The following AHCYL2 variants were observed in gnomAD, a reference collection of about 807,000 sequenced individuals.
The protein encoded by AHCYL2 is S-adenosylhomocysteine hydrolase-like protein 2.
AHCYL2 carries 28 observed loss-of-function variants against 81.4 expected under a neutral mutation model. That is an observed-to-expected ratio of 0.34 (90% CI 0.25 to 0.47). AHCYL2 has a LOEUF of 0.47. Among genes scored for constraint, AHCYL2 ranks in the 20% least tolerant of loss-of-function variants. The pLI, the probability that AHCYL2 is intolerant of heterozygous loss-of-function variation, is 1.00. For missense variants in AHCYL2, 551 were observed against 785.1 expected, an observed-to-expected ratio of 0.70 and a Z score of 3.56; for synonymous variants, 272 against 290.2, an observed-to-expected ratio of 0.94 and a Z score of 0.64.
chr7:129,364,375 A>G (rs541390481), intron 1 of AHCYL2, among the ~76,000 whole-genome samples: 110 of 152,186 alleles, frequency 7.2e-4, no homozygotes, highest in African/African-American at 2.5e-3. Context: ...GCTCACTGCA[A>G]CCTCTTCCAA....
chr7:129,310,426 C>A (rs748725935), intron 1 of AHCYL2, among the ~76,000 whole-genome samples: 86 of 152,098 alleles, frequency 5.7e-4, no homozygotes, highest in Non-Finnish European at 1.0e-3. Context: ...TGAGAATGGA[C>A]CCCAATGGAC....
At chr7:129,385,324 A>G (rs966821880) in intron 2 of AHCYL2, among the ~76,000 whole-genome samples, 3 of 152,174 alleles carry the variant, frequency 2.0e-5, no homozygotes, top group Non-Finnish European at 4.4e-5. Context: ...GCCCAAGAGG[A>G]ATTGCCTGAC....
At chr7:129,377,063 A>G (rs769889021) in intron 1 of AHCYL2, among the ~76,000 whole-genome samples, 4 of 152,204 alleles carry the variant, frequency 2.6e-5, no homozygotes, top group African/African-American at 4.8e-5. Flanking sequence ...GCTACTTCAG[A>G]TATATTGATT....
At chr7:129,260,658 C>T (rs1294821522) in intron 1 of AHCYL2, among the ~76,000 whole-genome samples, 4 of 152,120 alleles carry the variant, frequency 2.6e-5, no homozygotes, top group Non-Finnish European at 5.9e-5. Flanking sequence ...AATTTTCTTC[C>T]TTGTTCAGGT....
intron 1 of AHCYL2, among the ~76,000 whole-genome samples, chr7:129,338,446 T>G (rs1793040930): frequency 6.6e-6 from 1 of 152,238 alleles, no homozygotes; most frequent in Admixed American, 6.5e-5. Context: ...TGACCTGCTG[T>G]GCCTGGCCTA....
intron 1 of AHCYL2, among the ~76,000 whole-genome samples, chr7:129,358,900 T>C (rs1026859108): frequency 6.6e-6 from 1 of 152,190 alleles, no homozygotes; most frequent in African/African-American, 2.4e-5. Context: ...TACTGAGATC[T>C]TGCTGGTAGG....
chr7:129,289,049 T>G (rs1394809193), intron 1 of AHCYL2, among the ~76,000 whole-genome samples: 1 of 152,162 alleles, frequency 6.6e-6, no homozygotes, highest in Admixed American at 6.5e-5. Context: ...TCCAAAGTGC[T>G]GGGATTACAG....
intron 2 of AHCYL2, among the ~76,000 whole-genome samples, chr7:129,384,387 T>TA (rs934354343): frequency 6.9e-6 from 1 of 145,818 alleles, no homozygotes; most frequent in African/African-American, 2.5e-5. Context: ...AGAACAGAGA[T>TA]TTTTTTTTTT....
intron 12 of AHCYL2, among the ~76,000 whole-genome samples, chr7:129,416,856 G>A (rs71548766): frequency 1 from 152,150 of 152,154 alleles, 76,073 homozygotes; most frequent in Middle Eastern, 1. Context: ...GGTGGTGGGC[G>A]CCTGTAATCC....
chr7:129,276,949 A>G (rs1229644463), intron 1 of AHCYL2, among the ~76,000 whole-genome samples: 4 of 152,174 alleles, frequency 2.6e-5, no homozygotes, highest in African/African-American at 9.6e-5. Context: ...TTATTAACAA[A>G]TCTATGGTGC....
chr7:129,403,860 C>CAAAAAAAAAAAAAAAAAAAAAAAAAAA (rs34806455), intron 7 of AHCYL2, among the ~76,000 whole-genome samples: 2 of 80,218 alleles, frequency 2.5e-5, no homozygotes, highest in Non-Finnish European at 2.7e-5. Flanking sequence ...GACTCCATCT[C>CAAAAAAAAAAAAAAAAAAAAAAAAAAA]AAAAAAAAAA....
chr7:129,421,411 A>G (rs1410388547), intron 12 of AHCYL2, among the ~76,000 whole-genome samples: 2 of 152,166 alleles, frequency 1.3e-5, no homozygotes, highest in African/African-American at 4.8e-5. Context: ...TTATTTATTT[A>G]CATTTTTCAC....
chr7:129,241,688 C>T (rs1177524737), intron 1 of AHCYL2, among the ~76,000 whole-genome samples: 1 of 152,058 alleles, frequency 6.6e-6, no homozygotes, highest in Non-Finnish European at 1.5e-5. Flanking sequence ...TTTCATTTTG[C>T]AAAATTTCTT....
intron 1 of AHCYL2, among the ~76,000 whole-genome samples, chr7:129,376,950 C>T (rs995409873): frequency 1.3e-5 from 2 of 152,188 alleles, no homozygotes; most frequent in African/African-American, 4.8e-5. Flanking sequence ...CCTCTTCTTC[C>T]CAGCTCTTTT....
intron 1 of AHCYL2, among the ~76,000 whole-genome samples, chr7:129,272,704 A>T (rs920669231): frequency 1.3e-5 from 2 of 152,142 alleles, no homozygotes; most frequent in Non-Finnish European, 2.9e-5. Flanking sequence ...ATCTAAGGAG[A>T]TTTCTAGGCA....
intron 1 of AHCYL2, among the ~76,000 whole-genome samples, chr7:129,271,088 C>A (rs1019578529): frequency 6.6e-6 from 1 of 151,866 alleles, no homozygotes; most frequent in Non-Finnish European, 1.5e-5. Flanking sequence ...TTGGGCCGGG[C>A]GTGGTGGCTC....
At chr7:129,275,409 T>TA (rs764278261) in intron 1 of AHCYL2, among the ~76,000 whole-genome samples, 2 of 150,898 alleles carry the variant, frequency 1.3e-5, no homozygotes, top group Non-Finnish European at 3.0e-5. Flanking sequence ...CTCCAAAAAA[T>TA]AAAAAAATAA....
At chr7:129,354,734 G>T (rs1211555000) in intron 1 of AHCYL2, among the ~76,000 whole-genome samples, 1 of 152,188 alleles carries the variant, frequency 6.6e-6, no homozygotes, top group Non-Finnish European at 1.5e-5. Flanking sequence ...TGCTAGACTT[G>T]GCAGAAGATT....
At chr7:129,383,636 C>G (rs1021485837) in intron 2 of AHCYL2, among the ~76,000 whole-genome samples, 1 of 152,124 alleles carries the variant, frequency 6.6e-6, no homozygotes, top group Non-Finnish European at 1.5e-5. Flanking sequence ...TTAGGTAAAG[C>G]CTAAAGTTCT....
Sources: gnomAD v4.1 joint callset for allele counts (sites outside exome capture counted in the v4.1 genomes callset) on GRCh38, gnomAD v4.1.1 for gene constraint, MANE v1.5 for transcripts, NCBI Gene and HGNC (gene_info 2026-07-23, HGNC 2026-07-21) for gene names.